ASPM: variants seen among roughly 807,000 people sequenced by gnomAD.
ASPM encodes abnormal spindle-like microcephaly-associated protein.
In ASPM, 256 loss-of-function variants were observed where a neutral mutation model predicts 366.4. That is an observed-to-expected ratio of 0.70 (90% CI 0.63 to 0.77). ASPM has a LOEUF of 0.77. Among genes scored for constraint, ASPM ranks in the 30% least tolerant of loss-of-function variants. The probability of loss-of-function intolerance (pLI) is 0.00; values close to 1 mark genes in which losing one functional copy is unlikely to be tolerated. For synonymous variants in ASPM, 1,414 were observed against 1,342.9 expected (o/e 1.05, Z -1.16); for missense variants, 4,146 against 4,090.4 (o/e 1.01, Z -0.37).
intron 18 of ASPM, among the ~76,000 whole-genome samples, chr1:197,097,200 G>A (rs1558326226): frequency 6.6e-6 from 1 of 151,702 alleles, no homozygotes; most frequent in Admixed American, 6.6e-5. Flanking sequence ...CTGTGCAGCT[G>A]CAAGGACACT....
chr1:197,094,346 C>T (rs530538961), intron 19 of ASPM, among the ~76,000 whole-genome samples, 166 bp from the exon 20 acceptor site: 7 of 151,670 alleles, frequency 4.6e-5, no homozygotes, highest in Non-Finnish European at 1.0e-4. Context: ...TTCTAACAAT[C>T]AGAATTTACA....
In ASPM at chr1:197,143,122, C is replaced by T. The variant is rs1255734845; in HGVS notation, c.1130G>A (p.Gly377Glu). Residue 377 changes from glycine to glutamate, a missense_variant, in exon 3 of 28, where the codon GGA (glycine) becomes GAA (glutamate). Transcript: ENST00000367409. Reference protein sequence around the residue: ...SPDSFIKDNYGLNQDLESESV... With the variant: ...SPDSFIKDNYELNQDLESESV... ...CTCTGATTCTAGATCCTGATTTAGT[C>T]CATAATTATCTTTTATGAAAGAATC... is the stretch of plus-strand genomic sequence containing the variant. The T allele has an allele frequency of 6.2e-7, 1 of 1,612,540 alleles. No individual in the cohort carries two copies. The highest frequency in any genetic ancestry group is 2.2e-5 in the East Asian group (1 of 44,828).
chr1:197,100,720 T>A lies in ASPM; in HGVS notation c.8531A>T (p.Gln2844Leu), dbSNP rs1363538229. 4.3e-6 allele frequency: 7 copies of A among 1,612,494 alleles called. No individual in the cohort carries two copies. The highest frequency in any genetic ancestry group is 4.2e-6 in the Non-Finnish European group (5 of 1,179,072). ...ATACACAGCCATCTGAAGGAAGAAC[T>A]GAATCCGTAGGGCAGCACATTTCTG... ...ETQKCAALRI[Q>L]FFLQMAVYRR... Residue 2844 changes from glutamine (Q) to leucine (L), a missense_variant, in exon 18 of 28, where the codon CAG becomes CTG. By Grantham distance (113) the Gln-to-Leu change is moderately radical. This residue lies in a region of ASPM where 3,624 missense variants were observed against 3,591.7 expected (regional missense o/e 1.01). Coordinates refer to ENST00000367409, the MANE Select transcript of ASPM (RefSeq NM_018136.5).
In ASPM at chr1:197,116,732, C is replaced by T. The variant is rs550484562; in HGVS notation, c.4065+1057G>A. On this transcript the variant is annotated intron_variant, in intron 17 of 27. Coordinates refer to ENST00000367409, the MANE Select transcript of ASPM (RefSeq NM_018136.5). Reference sequence around the variant, plus strand: ...AACAGATTAAGTATAGTGCAGAATACGAAATAAAAAAATTAAACCACGGCT... The same window carrying T: ...AACAGATTAAGTATAGTGCAGAATATGAAATAAAAAAATTAAACCACGGCT... Among the ~76,000 whole-genome samples, 10 of 151,872 alleles carry T rather than the reference C, an allele frequency of 6.6e-5. No homozygotes were observed. The East Asian group carries it at 1.5e-3, about 23-fold the overall frequency.
intron 10 of ASPM, among the ~76,000 whole-genome samples, chr1:197,126,393 T>C (rs989764836): frequency 2.3e-5 from 3 of 129,436 alleles, no homozygotes; most frequent in African/African-American, 9.1e-5. Context: ...TGAGCCGAGA[T>C]CGTGCCACTG....
rs112230218 is a variant in ASPM at position 197,103,622 on chromosome 1, C to T, written c.5629G>A (p.Ala1877Thr). The change falls in exon 18 of 28, where the codon GCT (alanine) becomes ACT (threonine). Residue 1877 changes from alanine to threonine, a missense_variant. Ala to Thr is a moderately conservative substitution (Grantham distance 58, BLOSUM62 0). Transcript: ENST00000367409. ...TAAGCAGACTGGAGGGAAATCACAG[C>T]TGCCTTTGTCTTCAAAAAATGTGTT... ...TRTHFLKTKA[A>T]VISLQSAYRG... The T allele has an allele frequency of 1.2e-3, 1,987 of 1,612,906 alleles. 23 individuals carry two copies. The African/African-American group carries it at 0.023, about 18-fold the overall frequency.
At chr1:197,125,227 A>C in intron 10 of ASPM, 36 bp from the exon 11 acceptor site, 10 of 1,610,014 alleles carry the variant, frequency 6.2e-6, no homozygotes, top group South Asian at 1.1e-5. Context: ...AAATTATCAT[A>C]AAAACGTATA....
chr1:197,106,430 G>A (rs1052649717), intron 17 of ASPM, among the ~76,000 whole-genome samples: 10 of 151,994 alleles, frequency 6.6e-5, no homozygotes, highest in Non-Finnish European at 1.5e-4. Context: ...AGCAGTAATA[G>A]TACTCAGAAA....
intron 16 of ASPM, among the ~76,000 whole-genome samples, chr1:197,118,993 C>T (rs2125102936): frequency 6.6e-6 from 1 of 152,208 alleles, no homozygotes; most frequent in Non-Finnish European, 1.5e-5. Context: ...AGGCTCTACA[C>T]AGAGATTAGC....
chr1:197,105,808 T>G (rs1180288752), intron 17 of ASPM, among the ~76,000 whole-genome samples: 1 of 152,056 alleles, frequency 6.6e-6, no homozygotes, highest in African/African-American at 2.4e-5. Flanking sequence ...ACAAAACTTT[T>G]GTCTTTTGAA....
rs1486945378 is a variant in ASPM, at chr1:197,146,598, G to C, written c.-161C>G. The C allele has an allele frequency of 1.4e-6, 1 of 698,000 alleles. No homozygotes were observed. The highest frequency in any genetic ancestry group is 2.4e-6 in the Non-Finnish European group (1 of 416,724). The allele number at this position is 698,000 out of a possible 1,614,324, so 43.2% of individuals were successfully genotyped here. A position where few individuals can be genotyped will look rare whatever the true frequency, so the allele number is the denominator to read the frequency against. The stretch of plus-strand genomic sequence containing the variant: ...TTCTTTTCCACTAACCTACTCCCTA[G>C]AAAACAGAAAACAAGCCCAATAAAC... On this transcript the variant is annotated 5_prime_UTR_variant, in exon 1 of 28. Coordinates refer to ENST00000367409, the MANE Select transcript of ASPM (RefSeq NM_018136.5).
chr1:197,129,013 G>C lies in ASPM; in HGVS notation c.2760+174C>G, dbSNP rs6695300. On this transcript the variant is annotated intron_variant, in intron 9 of 27. Transcript: ENST00000367409. ...TGATGAAAGGTAAACCAATAAAAAC[G>C]AGGGATGGTTAGAATTACTGATGGG... Among the ~76,000 whole-genome samples the C allele has an allele frequency of 0.87, 131,556 of 152,064 alleles. 57,431 individuals are homozygous for C. Among genetic ancestry groups the C allele is most frequent in the East Asian group, 1 (5,172 of 5,176 alleles).
chr1:197,090,893 C>T lies in ASPM; in HGVS notation c.9593G>A (p.Arg3198His), dbSNP rs145333987. The T allele has an allele frequency of 5.0e-5, 80 of 1,612,968 alleles. No individual in the cohort carries two copies. The highest frequency in any genetic ancestry group is 4.7e-4 in the African/African-American group (35 of 74,856). Residue 3198 changes from arginine (R) to histidine (H), a missense_variant, in exon 23 of 28, where the codon CGT becomes CAT. Arg to His is a conservative substitution (Grantham distance 29). Around this residue, in one of 3 missense-constraint regions of ASPM, gnomAD observed 3,624 missense variants for 3,591.7 expected, o/e 1.01. Transcript: ENST00000367409. ...ACTAGTGAATTTTTCCTGCTTTTTA[C>T]GGAGGAGAAAATGGCGCACTGCTTT... ...IQKAVRHFLL[R>H]KKQEKFTSGI... is the part of the protein sequence containing the mutation.
In ASPM at chr1:197,146,461, A is replaced by G. The variant is rs759134551; in HGVS notation, c.-24T>C. On this transcript the variant is annotated 5_prime_UTR_variant, in exon 1 of 28. Transcript: ENST00000367409. ...ATGGCAGATTCGAGACCCCTCCTGGATCTCCTTGCCCCGCTCCCACGAGGC... is the reference window on the plus strand; with the variant it reads ...ATGGCAGATTCGAGACCCCTCCTGGGTCTCCTTGCCCCGCTCCCACGAGGC... 6.2e-7 allele frequency: 1 copy of G among 1,601,642 alleles called. No homozygotes were observed. Among genetic ancestry groups the G allele is most frequent in the Non-Finnish European group, 8.5e-7 (1 of 1,179,064 alleles).
intron 19 of ASPM, among the ~76,000 whole-genome samples, chr1:197,095,735 T>G (rs1038015918): frequency 1.3e-5 from 2 of 148,484 alleles, no homozygotes; most frequent in East Asian, 4.0e-4. Flanking sequence ...GTCCTTACTC[T>G]AATCCTTATG....
At chr1:197,134,873 GAA>G (rs1297572284) in intron 5 of ASPM, among the ~76,000 whole-genome samples, 1 of 152,162 alleles carries the variant, frequency 6.6e-6, no homozygotes, top group African/African-American at 2.4e-5. Flanking sequence ...TGATGAGAGA[GAA>G]TAGAGAACAA....
Position 197,102,772 on chromosome 1 carries a change from C to T in ASPM, c.6479G>A (p.Arg2160His), listed in dbSNP as rs539328833. ...TTTCAAAATTGTCAGGTACTTTTCACGCTGCATTTTACCTTGATAATATGC... is the reference window on the plus strand; with the variant it reads ...TTTCAAAATTGTCAGGTACTTTTCATGCTGCATTTTACCTTGATAATATGC... ...CRAYYQGKMQREKYLTILKAV... is the reference protein window; with the variant it reads ...CRAYYQGKMQHEKYLTILKAV... Residue 2160 changes from arginine (R) to histidine (H), a missense_variant, in exon 18 of 28, where the codon CGT becomes CAT. Coordinates refer to ENST00000367409, the MANE Select transcript of ASPM (RefSeq NM_018136.5). The T allele has an allele frequency of 3.8e-5, 61 of 1,612,514 alleles. No individual in the cohort carries two copies. The South Asian group carries it at 4.8e-4, about 13-fold the overall frequency.
In ASPM at chr1:197,139,177, G is replaced by A. The variant is rs928649819; in HGVS notation, c.2026+590C>T. 1.7e-5 allele frequency: 16 copies of A among 957,590 alleles called. No homozygotes were observed. In the Middle Eastern group the frequency reaches 9.3e-4, roughly 56 times the overall value. The allele number at this position is 957,590 out of a possible 1,614,324, so 59.3% of individuals were successfully genotyped here. ...TTGGTACAAAGAAGCATATCTTGGA[G>A]CTTAACGAAGTCACAGTGATTTTCA... On this transcript the variant is annotated intron_variant, in intron 4 of 27. Transcript: ENST00000367409.
At position 197,104,371 on chromosome 1, in the gene ASPM, G is replaced by A. The variant is rs1212898077; in HGVS notation, c.4880C>T (p.Ala1627Val). ...RAYIFAMKVL[A>V]SYQKTRSAVI... The stretch of plus-strand genomic sequence containing the variant: ...AGCAGAGCGTGTTTTCTGGTAAGAT[G>A]CTAGAACTTTCATGGCAAAAATATA... The change falls in exon 18 of 28, where the codon GCA (alanine) becomes GTA (valine). Residue 1627 changes from alanine (A) to valine (V), a missense_variant. Around this residue, in one of 3 missense-constraint regions of ASPM, gnomAD observed 3,624 missense variants for 3,591.7 expected, o/e 1.01. Transcript: ENST00000367409. 6.2e-7 allele frequency: 1 copy of A among 1,613,076 alleles called. No homozygotes were observed. The highest frequency in any genetic ancestry group is 8.5e-7 in the Non-Finnish European group (1 of 1,179,406).
Sources: allele counts gnomAD v4.1 joint callset (sites outside exome capture counted in the v4.1 genomes callset), GRCh38; gene constraint gnomAD v4.1.1; regional missense constraint gnomAD v4.1.1; transcripts MANE v1.5; gene names NCBI Gene and HGNC (gene_info 2026-07-23, HGNC 2026-07-21).